The following TMTC3 variants were observed in gnomAD, a reference collection of about 807,000 sequenced individuals.
TMTC3 encodes protein O-mannosyl-transferase TMTC3.
TMTC3 carries 52 observed loss-of-function variants against 92.2 expected under a neutral mutation model. The ratio of observed to expected loss-of-function variants is 0.56; its 90% CI spans 0.45 to 0.71. The LOEUF is 0.71. TMTC3 is among the 30% of genes least tolerant of loss of function. The pLI, the probability that TMTC3 is intolerant of heterozygous loss-of-function variation, is 0.00. For synonymous variants in TMTC3, 339 were observed against 363.3 expected, an observed-to-expected ratio of 0.93 and a Z score of 0.76; for missense variants, 896 against 1,057.1, an observed-to-expected ratio of 0.85 and a Z score of 2.11.
chr12:88,195,600 C>G lies in TMTC3; in HGVS notation c.2696C>G (p.Ala899Gly). The G allele has an allele frequency of 6.2e-7, 1 of 1,602,730 alleles. No individual in the cohort carries two copies. The highest frequency in any genetic ancestry group is 8.5e-7 in the Non-Finnish European group (1 of 1,177,160). The change falls in exon 14 of 14, where the codon GCT becomes GGT. Residue 899 changes from alanine to glycine, a missense_variant. Coordinates refer to ENST00000266712, the MANE Select transcript of TMTC3 (RefSeq NM_181783.4). ...DIKEIEKKRV[A>G]ALKRLEEIER... Reference sequence around the variant, plus strand: ...AAAGAAATTGAGAAGAAAAGAGTTGCTGCTTTAAAAAGACTAGAAGAGATT... The same window carrying G: ...AAAGAAATTGAGAAGAAAAGAGTTGGTGCTTTAAAAAGACTAGAAGAGATT...
chr12:88,146,681 GA>G (rs1271158204), intron 1 of TMTC3, among the ~76,000 whole-genome samples: 1 of 149,818 alleles, frequency 6.7e-6, no homozygotes, highest in Non-Finnish European at 1.5e-5. Flanking sequence ...GAATTATTTT[GA>G]ATGTATTCAT....
chr12:88,156,764 A>G (rs2138374346), intron 4 of TMTC3, among the ~76,000 whole-genome samples: 1 of 150,396 alleles, frequency 6.6e-6, no homozygotes, highest in South Asian at 2.1e-4. Context: ...ACAGAACCAC[A>G]CATGCTTAAA....
chr12:88,195,677 CAA>C lies in TMTC3; in HGVS notation c.*30_*31del, dbSNP rs1565962101. On this transcript the variant is annotated 3_prime_UTR_variant, in exon 14 of 14. Transcript: ENST00000266712. ...TTAATATTTATCGTGACAATGGTAT[CAA>C]AGAACATCAATCCGTATCATGTGAT... The C allele has an allele frequency of 6.5e-7, 1 of 1,531,820 alleles. No homozygotes were observed. The highest frequency in any genetic ancestry group is 2.3e-5 in the East Asian group (1 of 44,224). The allele number at this position is 1,531,820 out of a possible 1,614,324, so 94.9% of individuals were successfully genotyped here.
intron 12 of TMTC3, 106 bp from the exon 13 acceptor site, chr12:88,192,498 G>GA (rs1662777521): frequency 1.4e-6 from 1 of 698,216 alleles, no homozygotes; most frequent in African/African-American, 2.7e-5. Flanking sequence ...TCTGAGTTAA[G>GA]AGAAAAAAAA....
At chr12:88,191,971 AGT>A (rs2041447995) in intron 12 of TMTC3, among the ~76,000 whole-genome samples, 1 of 146,762 alleles carries the variant, frequency 6.8e-6, no homozygotes, top group East Asian at 2.0e-4. Flanking sequence ...AGCCTCCCAA[AGT>A]GCTGGGATTA....
At chr12:88,189,134 C>T (rs1427166359) in intron 11 of TMTC3, among the ~76,000 whole-genome samples, 188 bp downstream of exon 11, 2 of 149,408 alleles carry the variant, frequency 1.3e-5, no homozygotes, top group Non-Finnish European at 3.0e-5. Flanking sequence ...TGCTGTATTG[C>T]CCAGACTGGA....
intron 6 of TMTC3, among the ~76,000 whole-genome samples, chr12:88,164,029 C>T (rs1390012811): frequency 2.0e-5 from 3 of 151,780 alleles, no homozygotes; most frequent in African/African-American, 7.3e-5. Context: ...CTCATCTCTA[C>T]TAAAAATAGA....
At chr12:88,150,877 T>C (rs886117884) in intron 2 of TMTC3, among the ~76,000 whole-genome samples, 8 of 152,146 alleles carry the variant, frequency 5.3e-5, no homozygotes, top group African/African-American at 1.4e-4. Context: ...TCCTAAGCCA[T>C]ATAAATACTG....
Position 88,160,699 on chromosome 12 carries a change from T to C in TMTC3, c.645T>C (p.Cys215=). The change falls in exon 6 of 14, where the codon TGT becomes TGC. Residue 215 remains cysteine, a synonymous_variant. Coordinates refer to ENST00000266712, the MANE Select transcript of TMTC3 (RefSeq NM_181783.4). ...TTCAGTATACTTTGCCATTACTATG[T>C]ACTACTGCTGGACAGTTTCTCCGTG... ...IAQGYTLPLL[C]TTAGQFLRGK... is the part of the protein sequence containing the mutation. 1.2e-6 allele frequency: 2 copies of C among 1,613,456 alleles called. No individual in the cohort carries two copies. The highest frequency in any genetic ancestry group is 1.7e-4 in the Middle Eastern group (1 of 6,054).
At position 88,160,862 on chromosome 12, in the gene TMTC3, C is replaced by G. The variant is rs772683343; in HGVS notation, c.797+11C>G. The G allele has an allele frequency of 4.7e-5, 73 of 1,566,672 alleles. No individual in the cohort carries two copies. The highest frequency in any genetic ancestry group is 6.1e-5 in the Non-Finnish European group (71 of 1,157,454). Reference sequence around the variant, plus strand: ...TCCAGTATTCACCAGGTATGAAATTCTGGTTCTTTGTTTTCTCCATTCTTT... The same window carrying G: ...TCCAGTATTCACCAGGTATGAAATTGTGGTTCTTTGTTTTCTCCATTCTTT... On this transcript the variant is annotated intron_variant, in intron 6 of 13. Coordinates refer to ENST00000266712, the MANE Select transcript of TMTC3 (RefSeq NM_181783.4).
chr12:88,145,709 C>T (rs1408736862), intron 1 of TMTC3, among the ~76,000 whole-genome samples: 1 of 152,152 alleles, frequency 6.6e-6, no homozygotes, highest in Non-Finnish European at 1.5e-5. Context: ...ATTATGTATT[C>T]ACGTGGGGTG....
intron 4 of TMTC3, among the ~76,000 whole-genome samples, chr12:88,157,167 G>C (rs2041021970): frequency 6.6e-6 from 1 of 151,944 alleles, no homozygotes; most frequent in African/African-American, 2.4e-5. Context: ...AAATAAGTAA[G>C]TGAATGAATG....
Position 88,195,299 on chromosome 12 carries a change from G to C in TMTC3, c.2395G>C (p.Ala799Pro). 6.2e-7 allele frequency: 1 copy of C among 1,613,838 alleles called. No homozygotes were observed. Among genetic ancestry groups the C allele is most frequent in the Non-Finnish European group, 8.5e-7 (1 of 1,179,902 alleles). The change falls in exon 14 of 14, where the codon GCA becomes CCA. Residue 799 changes from alanine (A) to proline (P), a missense_variant. Physicochemically the swap from Ala to Pro is conservative, Grantham distance 27. Coordinates refer to ENST00000266712, the MANE Select transcript of TMTC3 (RefSeq NM_181783.4). Reference protein sequence around the residue: ...KAERCLLETLALAPHEEYIQR... With the variant: ...KAERCLLETLPLAPHEEYIQR... ...TGAAAGATGCCTTCTTGAAACACTGGCATTAGCACCACATGAAGAATATAT... is the reference window on the plus strand; with the variant it reads ...TGAAAGATGCCTTCTTGAAACACTGCCATTAGCACCACATGAAGAATATAT...
intron 1 of TMTC3, among the ~76,000 whole-genome samples, chr12:88,147,482 A>G (rs1421248789): frequency 2.0e-5 from 3 of 152,124 alleles, no homozygotes; most frequent in Admixed American, 1.3e-4. Flanking sequence ...GCTGTCCTAT[A>G]TTGGATCCCA....
At chr12:88,147,730 A>AT (rs2040892296) in intron 1 of TMTC3, among the ~76,000 whole-genome samples, 1 of 151,732 alleles carries the variant, frequency 6.6e-6, no homozygotes, top group Non-Finnish European at 1.5e-5. Context: ...TTGGAAGGGA[A>AT]TTTTTTGTTT....
rs772860165 is a variant in TMTC3 at position 88,154,377 on chromosome 12, C to G, written c.498C>G (p.Asp166Glu). The stretch of plus-strand genomic sequence containing the variant: ...CATATACCAGATCAAAAGGACCAGA[C>G]AATTCCATAAGTACATGTCTCACAT... ...FLSYTRSKGP[D>E]NSIIWTPIAL... Residue 166 changes from aspartate (D) to glutamate (E), a missense_variant, in exon 4 of 14, where the codon GAC (aspartate) becomes GAG (glutamate). Transcript: ENST00000266712. 70 of 1,595,072 alleles carry G rather than the reference C, an allele frequency of 4.4e-5. No individual in the cohort carries two copies. Among genetic ancestry groups the G allele is most frequent in the Non-Finnish European group, 5.9e-5 (69 of 1,174,134 alleles).
chr12:88,191,880 C>A (rs1483880067), intron 12 of TMTC3, among the ~76,000 whole-genome samples: 10 of 151,702 alleles, frequency 6.6e-5, no homozygotes, highest in Admixed American at 5.3e-4. Flanking sequence ...TGGCAAATTT[C>A]TGTATTTTTA....
rs1265537137 is a variant in TMTC3, at chr12:88,154,401, A to G, written c.508+14A>G. 1 of 1,555,668 alleles carries G rather than the reference A, an allele frequency of 6.4e-7. No individual in the cohort carries two copies. The highest frequency in any genetic ancestry group is 2.3e-5 in the East Asian group (1 of 43,482). ...ACAATTCCATAAGTACATGTCTCAC[A>G]TTTGATTTTTTTTTAATAGTGCTAA... On this transcript the variant is annotated intron_variant, in intron 4 of 13. Transcript: ENST00000266712.
intron 10 of TMTC3, among the ~76,000 whole-genome samples, chr12:88,176,784 AAAAC>A (rs1181299630): frequency 1.3e-5 from 2 of 151,564 alleles, no homozygotes; most frequent in Non-Finnish European, 2.9e-5. Flanking sequence ...CTGTGTCTCA[AAAAC>A]AAACAAAAAC....
Sources: allele counts gnomAD v4.1 joint callset (sites outside exome capture counted in the v4.1 genomes callset), GRCh38; gene constraint gnomAD v4.1.1; transcripts MANE v1.5; gene names NCBI Gene and HGNC (gene_info 2026-07-23, HGNC 2026-07-21).